Variants in MXI1 observed in about 807,000 individuals in gnomAD.
The protein encoded by MXI1 is MAX interactor 1, dimerization protein.
A neutral mutation model predicts 36.9 loss-of-function variants in MXI1; 18 were observed. That is an observed-to-expected ratio of 0.49 (90% CI 0.34 to 0.72). MXI1 has a LOEUF of 0.72. Ranked by LOEUF, MXI1 falls within the 30% of genes least tolerant of loss-of-function variation. MXI1 has a pLI of 0.01. For synonymous variants in MXI1, 160 were observed against 146.7 expected (o/e 1.09, Z -0.65); for missense variants, 304 against 379.1 (o/e 0.80, Z 1.64).
At chr10:110,276,774 C>G (rs1272509707) in intron 3 of MXI1, among the ~76,000 whole-genome samples, 1 of 151,714 alleles carries the variant, frequency 6.6e-6, no homozygotes. Flanking sequence ...GGAAAATAGA[C>G]TCACCTTTCT....
intron 2 of MXI1, among the ~76,000 whole-genome samples, chr10:110,231,164 C>G (rs1030157413): frequency 6.6e-6 from 1 of 152,020 alleles, no homozygotes; most frequent in East Asian, 1.9e-4. Context: ...GTCAGGAGTT[C>G]GAGACCAGCC....
At chr10:110,217,624 C>G (rs1306725005) in intron 1 of MXI1, among the ~76,000 whole-genome samples, 1 of 152,170 alleles carries the variant, frequency 6.6e-6, no homozygotes, top group Non-Finnish European at 1.5e-5. Flanking sequence ...GCCAGTGGTA[C>G]TGAGCTAAGT....
chr10:110,230,739 T>G (rs933302760), intron 2 of MXI1, among the ~76,000 whole-genome samples: 2 of 152,224 alleles, frequency 1.3e-5, no homozygotes, highest in Non-Finnish European at 2.9e-5. Flanking sequence ...ACTGTAGGCT[T>G]CTTCTTAATT....
intron 3 of MXI1, among the ~76,000 whole-genome samples, chr10:110,264,344 TAGAA>T (rs1856616474): frequency 1.3e-5 from 2 of 151,886 alleles, no homozygotes; most frequent in Non-Finnish European, 1.5e-5. Context: ...TTGCTGTGCT[TAGAA>T]AGAAATATAT....
At chr10:110,261,269 A>G (rs938982384) in intron 3 of MXI1, 1 of 485,466 alleles carries the variant, frequency 2.1e-6, no homozygotes, top group Non-Finnish European at 2.7e-6. Context: ...TCTACTGTTT[A>G]TTTTTTTTGC....
chr10:110,247,510 A>G lies in MXI1; in HGVS notation c.437+2653A>G, dbSNP rs1422533772. The stretch of plus-strand genomic sequence containing the variant: ...ACCGAGGTTTTCTTCTAGGGTTTTT[A>G]TGGTTTTAGGTCTAACATTTAAGTC... On this transcript the variant is annotated intron_variant, in intron 3 of 5. Transcript: ENST00000332674. 1.8e-4 allele frequency among the ~76,000 whole-genome samples: 28 copies of G among 152,242 alleles called. 1 individual carries two copies. Among genetic ancestry groups the G allele is most frequent in the Admixed American group, 1.6e-3 (25 of 15,286 alleles).
At chr10:110,227,420 G>T in intron 1 of MXI1, 3 of 988,828 alleles carry the variant, frequency 3.0e-6, no homozygotes, top group Non-Finnish European at 3.6e-6. Context: ...CGCACGGAGG[G>T]TGGGGCTGTG....
chr10:110,265,235 A>T (rs1365859814), intron 3 of MXI1, among the ~76,000 whole-genome samples: 1 of 152,248 alleles, frequency 6.6e-6, no homozygotes, highest in East Asian at 1.9e-4. Context: ...ACTATATTCA[A>T]TAAAGTACAA....
At chr10:110,277,430 TTTG>T (rs1204583463) in intron 3 of MXI1, among the ~76,000 whole-genome samples, 1 of 152,170 alleles carries the variant, frequency 6.6e-6, no homozygotes, top group Non-Finnish European at 1.5e-5. Context: ...ACTCTGGTGT[TTTG>T]TTGTTGTTGC....
intron 5 of MXI1, among the ~76,000 whole-genome samples, chr10:110,282,743 G>A (rs564970694): frequency 1.1e-4 from 16 of 152,146 alleles, no homozygotes; most frequent in South Asian, 2.1e-4. Flanking sequence ...CCTCCTTTTT[G>A]TAGTGTTATG....
At chr10:110,282,782 C>A (rs986108085) in intron 5 of MXI1, among the ~76,000 whole-genome samples, 1 of 152,094 alleles carries the variant, frequency 6.6e-6, no homozygotes, top group Admixed American at 6.6e-5. Flanking sequence ...CTGTGGTACA[C>A]TTGGCTAAAG....
At chr10:110,215,724 T>C (rs1854621177) in intron 1 of MXI1, among the ~76,000 whole-genome samples, 1 of 152,188 alleles carries the variant, frequency 6.6e-6, no homozygotes, top group South Asian at 2.1e-4. Context: ...AAAAATACTA[T>C]CTTTTACATT....
chr10:110,272,028 C>A (rs554151918), intron 3 of MXI1, among the ~76,000 whole-genome samples: 9 of 152,292 alleles, frequency 5.9e-5, no homozygotes, highest in African/African-American at 2.2e-4. Flanking sequence ...TAATCCCAGC[C>A]ATGAGTCAAA....
chr10:110,249,483 G>A (rs1246830446), intron 3 of MXI1, among the ~76,000 whole-genome samples: 1 of 151,332 alleles, frequency 6.6e-6, no homozygotes, highest in Admixed American at 6.6e-5. Flanking sequence ...GGAGGCTGAG[G>A]CACAAGAATT....
intron 3 of MXI1, among the ~76,000 whole-genome samples, chr10:110,255,032 GCTA>G (rs1856236697): frequency 6.6e-6 from 1 of 152,004 alleles, no homozygotes; most frequent in African/African-American, 2.4e-5. Flanking sequence ...GACTTTCATA[GCTA>G]GAGCAGAAGT....
At chr10:110,243,848 C>A (rs973977310) in intron 2 of MXI1, among the ~76,000 whole-genome samples, 1 of 152,042 alleles carries the variant, frequency 6.6e-6, no homozygotes. Context: ...AATGAAGGGA[C>A]TTTACTGAGG....
intron 3 of MXI1, among the ~76,000 whole-genome samples, chr10:110,278,571 G>A (rs1857120817): frequency 6.6e-6 from 1 of 152,122 alleles, no homozygotes; most frequent in Non-Finnish European, 1.5e-5. Context: ...TGTTTCTGTT[G>A]TATTGGAGTA....
At chr10:110,265,701 G>A (rs1335796339) in intron 3 of MXI1, among the ~76,000 whole-genome samples, 1 of 152,194 alleles carries the variant, frequency 6.6e-6, no homozygotes, top group African/African-American at 2.4e-5. Flanking sequence ...GCTCCTATAA[G>A]CAGCATATAA....
intron 2 of MXI1, 28 bp downstream of exon 2, chr10:110,228,349 G>T (rs750780737): frequency 6.2e-7 from 1 of 1,613,392 alleles, no homozygotes; most frequent in Admixed American, 1.7e-5. Flanking sequence ...CTTAGAAGAG[G>T]GAACTGGAGG....
Sources: allele counts gnomAD v4.1 joint callset (sites outside exome capture counted in the v4.1 genomes callset), GRCh38; gene constraint gnomAD v4.1.1; transcripts MANE v1.5; gene names NCBI Gene and HGNC (gene_info 2026-07-23, HGNC 2026-07-21).